FSTL5: variants seen among roughly 807,000 people sequenced by gnomAD.
FSTL5 encodes the protein follistatin like 5, also known as follistatin-related protein 5.
FSTL5 carries 62 observed loss-of-function variants against 89.1 expected under a neutral mutation model. The observed-to-expected ratio is 0.70, with a 90% CI of 0.57 to 0.86. The LOEUF (loss-of-function observed/expected upper bound fraction) is 0.86, where lower values mean the gene tolerates loss of function less well. Ranked by LOEUF, FSTL5 falls within the 40% of genes least tolerant of loss-of-function variation. FSTL5 has a pLI of 0.00. For synonymous variants in FSTL5, 383 were observed against 346.2 expected, an observed-to-expected ratio of 1.11 and a Z score of -1.18; for missense variants, 1,057 against 1,001.6, an observed-to-expected ratio of 1.06 and a Z score of -0.75.
At chr4:161,757,194 T>A (rs1474540709) in intron 6 of FSTL5, among the ~76,000 whole-genome samples, 3 of 152,158 alleles carry the variant, frequency 2.0e-5, no homozygotes, top group African/African-American at 7.2e-5. Context: ...AAAGTTTAAA[T>A]TCACTTGTCC....
intron 15 of FSTL5, among the ~76,000 whole-genome samples, chr4:161,392,627 T>G (rs568586000): frequency 1.4e-4 from 21 of 152,290 alleles, no homozygotes; most frequent in Non-Finnish European, 2.9e-4. Context: ...AACTGACAAC[T>G]ATGTCTTAAG....
intron 8 of FSTL5, among the ~76,000 whole-genome samples, chr4:161,570,783 T>G (rs931190949): frequency 6.6e-6 from 1 of 152,200 alleles, no homozygotes; most frequent in African/African-American, 2.4e-5. Context: ...AGCTATGCTC[T>G]GGACCTAAAA....
intron 1 of FSTL5, among the ~76,000 whole-genome samples, chr4:162,147,152 G>T (rs1431176282): frequency 6.6e-6 from 1 of 151,676 alleles, no homozygotes; most frequent in Non-Finnish European, 1.5e-5. Context: ...GTTTCTCTAG[G>T]CTCTTCTTAA....
chr4:162,056,508 T>C (rs999433497), intron 2 of FSTL5, among the ~76,000 whole-genome samples: 4 of 152,138 alleles, frequency 2.6e-5, no homozygotes, highest in Admixed American at 6.5e-5. Flanking sequence ...CTGTCCTTTA[T>C]ATGATGTATG....
intron 4 of FSTL5, among the ~76,000 whole-genome samples, chr4:161,901,671 C>T (rs978725116): frequency 3.3e-5 from 5 of 152,136 alleles, no homozygotes; most frequent in Non-Finnish European, 7.3e-5. Context: ...TGGTGGCTCA[C>T]ACCTGTAATC....
Position 161,516,724 on chromosome 4 carries a change from T to TACACACAC in FSTL5, c.1313-6308_1313-6301dup, listed in dbSNP as rs35139981. On this transcript the variant is annotated intron_variant, in intron 10 of 15. Coordinates refer to ENST00000306100, the MANE Select transcript of FSTL5 (RefSeq NM_020116.5). Reference sequence around the variant, plus strand: ...ATATGTAAATATATATATATATATGTACACACACACACACACACACACACA... The same window carrying TACACACAC: ...ATATGTAAATATATATATATATATGTACACACACACACACACACACACACACACACACA... Among the ~76,000 whole-genome samples, 29 of 127,280 alleles carry TACACACAC rather than the reference T, an allele frequency of 2.3e-4. 3 individuals carry two copies. The highest frequency in any genetic ancestry group is 3.1e-4 in the Non-Finnish European group (19 of 60,960). 83.5% of individuals were successfully genotyped at this position (127,280 alleles called of 152,430 possible).
At chr4:161,396,645 C>A (rs1227503020) in intron 15 of FSTL5, among the ~76,000 whole-genome samples, 4 of 144,074 alleles carry the variant, frequency 2.8e-5, no homozygotes, top group African/African-American at 5.2e-5. Context: ...CAGAGCAACA[C>A]TCTGTCTTAA....
At chr4:161,410,398 T>C (rs920784172) in intron 15 of FSTL5, among the ~76,000 whole-genome samples, 5 of 152,128 alleles carry the variant, frequency 3.3e-5, no homozygotes, top group Non-Finnish European at 7.4e-5. Context: ...TACAGAACAC[T>C]CCACCCAACA....
At chr4:161,542,507 A>AG (rs1731857285) in intron 9 of FSTL5, 25 bp downstream of exon 9, 1 of 1,306,652 alleles carries the variant, frequency 7.7e-7, no homozygotes, top group Non-Finnish European at 1.0e-6. Context: ...GTCATTTAAG[A>AG]GAAAAAAAAG....
intron 15 of FSTL5, among the ~76,000 whole-genome samples, chr4:161,444,757 A>G (rs1453084168): frequency 6.6e-6 from 1 of 151,872 alleles, no homozygotes; most frequent in Non-Finnish European, 1.5e-5. Flanking sequence ...GCTTGGGATA[A>G]CTTGTAGAGC....
intron 13 of FSTL5, among the ~76,000 whole-genome samples, chr4:161,464,341 T>C (rs560433108): frequency 1.3e-5 from 2 of 152,244 alleles, no homozygotes; most frequent in East Asian, 3.9e-4. Context: ...AGTTCTTCCA[T>C]AGAATCCCAA....
chr4:161,797,416 T>C (rs1560851686), intron 4 of FSTL5, among the ~76,000 whole-genome samples: 1 of 151,658 alleles, frequency 6.6e-6, no homozygotes, highest in Non-Finnish European at 1.5e-5. Flanking sequence ...AAACCACTTA[T>C]TGATATTCAG....
intron 13 of FSTL5, among the ~76,000 whole-genome samples, chr4:161,474,691 A>G (rs10023269): frequency 0.56 from 85,185 of 151,444 alleles, 24,105 homozygotes; most frequent in East Asian, 0.79. Flanking sequence ...GACTACAGGC[A>G]CCCGCCACCA....
At chr4:161,395,399 A>T (rs1026954065) in intron 15 of FSTL5, among the ~76,000 whole-genome samples, 3 of 152,106 alleles carry the variant, frequency 2.0e-5, no homozygotes, top group African/African-American at 7.2e-5. Context: ...TAAAATATCT[A>T]TGAACACGCA....
At chr4:161,957,225 C>A (rs1271736805) in intron 3 of FSTL5, among the ~76,000 whole-genome samples, 1 of 151,488 alleles carries the variant, frequency 6.6e-6, no homozygotes, top group Non-Finnish European at 1.5e-5. Context: ...GTTATTTGGG[C>A]AAATATAATT....
chr4:162,143,011 G>A lies in FSTL5; in HGVS notation c.-17+20604C>T, dbSNP rs566022494. Among the ~76,000 whole-genome samples, 11 of 152,102 alleles carry A rather than the reference G, an allele frequency of 7.2e-5. No homozygotes were observed. The East Asian group carries it at 1.5e-3, about 21-fold the overall frequency. ...ATTTAATGAGAAAATCAACTACTTC[G>A]TTCTTGGGATATTTCTGATTGTCAT... On this transcript the variant is annotated intron_variant, in intron 1 of 15. Coordinates refer to ENST00000306100, the MANE Select transcript of FSTL5 (RefSeq NM_020116.5).
chr4:162,067,982 A>G (rs1174938669), intron 2 of FSTL5, among the ~76,000 whole-genome samples: 1 of 152,060 alleles, frequency 6.6e-6, no homozygotes, highest in African/African-American at 2.4e-5. Context: ...CTGAGAATAC[A>G]GTTAACAAGG....
In FSTL5 at chr4:162,066,267, ATTGGG is replaced by A. The variant is rs1321346655; in HGVS notation, c.127-32614_127-32610del. 3.0e-4 allele frequency among the ~76,000 whole-genome samples: 42 copies of A among 142,012 alleles called. 1 individual carries two copies. Among genetic ancestry groups the A allele is most frequent in the Admixed American group, 2.9e-3 (42 of 14,358 alleles). The allele number at this position is 142,012 out of a possible 152,430, so 93.2% of individuals were successfully genotyped here. A position where few individuals can be genotyped will look rare whatever the true frequency, so the allele number is the denominator to read the frequency against. ...CTATTAAGAATTTTGCCTATTTTTA[ATTGGG>A]TTCCTCCTCCTCCTCCTCCTCCTAC... is the stretch of plus-strand genomic sequence containing the variant. On this transcript the variant is annotated intron_variant, in intron 2 of 15. Coordinates refer to ENST00000306100, the MANE Select transcript of FSTL5 (RefSeq NM_020116.5).
chr4:161,397,616 T>C (rs905593897), intron 15 of FSTL5, among the ~76,000 whole-genome samples: 2 of 149,446 alleles, frequency 1.3e-5, no homozygotes, highest in Non-Finnish European at 3.0e-5. Context: ...TTAATAGTAT[T>C]ATAATGCTAT....
Sources: gnomAD v4.1 joint callset for allele counts (sites outside exome capture counted in the v4.1 genomes callset) on GRCh38, gnomAD v4.1.1 for gene constraint, MANE v1.5 for transcripts, NCBI Gene and HGNC (gene_info 2026-07-23, HGNC 2026-07-21) for gene names.